CECR2: variants seen among roughly 807,000 people sequenced by gnomAD.
The protein encoded by CECR2 is chromatin remodeling regulator CECR2.
CECR2 carries 30 observed loss-of-function variants against 154.5 expected under a neutral mutation model. That is an observed-to-expected ratio of 0.19 (90% CI 0.15 to 0.26). CECR2 has a LOEUF of 0.26. CECR2 is among the 10% of genes least tolerant of loss of function. The probability of loss-of-function intolerance (pLI) is 1.00; values close to 1 mark genes in which losing one functional copy is unlikely to be tolerated. For missense variants in CECR2, 1,743 were observed against 1,829.3 expected (o/e 0.95, Z 0.86); for synonymous variants, 725 against 683.7 (o/e 1.06, Z -0.94).
At chr22:17,411,891 A>G (rs1466161111) in intron 1 of CECR2, among the ~76,000 whole-genome samples, 4 of 152,130 alleles carry the variant, frequency 2.6e-5, no homozygotes, top group Non-Finnish European at 5.9e-5. Flanking sequence ...AATGTTTTTC[A>G]TGTTAATATG....
intron 1 of CECR2, among the ~76,000 whole-genome samples, chr22:17,451,654 T>C (rs376553164): frequency 7.9e-5 from 12 of 152,162 alleles, no homozygotes; most frequent in African/African-American, 2.7e-4. Flanking sequence ...GCCTGGAAAG[T>C]TCTTTCCAGT....
intron 13 of CECR2, 30 bp downstream of exon 13, chr22:17,539,149 C>T: frequency 6.2e-7 from 1 of 1,607,382 alleles, no homozygotes; most frequent in Non-Finnish European, 8.5e-7. Context: ...GTGCTAGATA[C>T]ATATCTGTAA....
intron 1 of CECR2, among the ~76,000 whole-genome samples, chr22:17,423,506 C>CAAAAA (rs77498895): frequency 7.0e-6 from 1 of 143,660 alleles, no homozygotes. Flanking sequence ...GACTCTGTCT[C>CAAAAA]AAAAAAAAAA....
intron 7 of CECR2, among the ~76,000 whole-genome samples, chr22:17,510,591 T>G (rs2055927389): frequency 6.6e-6 from 1 of 152,120 alleles, no homozygotes; most frequent in South Asian, 2.1e-4. Context: ...TAGGCACTAG[T>G]CATTCTCTTT....
intron 1 of CECR2, among the ~76,000 whole-genome samples, chr22:17,446,091 GT>G (rs1452664421): frequency 6.6e-6 from 1 of 152,056 alleles, no homozygotes; most frequent in Non-Finnish European, 1.5e-5. Context: ...CTAGGAGCTT[GT>G]TTACAGATAC....
At chr22:17,408,762 G>T (rs1352884172) in intron 1 of CECR2, among the ~76,000 whole-genome samples, 1 of 152,172 alleles carries the variant, frequency 6.6e-6, no homozygotes, top group Non-Finnish European at 1.5e-5. Flanking sequence ...CACCTACCTT[G>T]TATTACCTTG....
At chr22:17,522,211 C>A (rs2056171015) in intron 8 of CECR2, among the ~76,000 whole-genome samples, 1 of 152,136 alleles carries the variant, frequency 6.6e-6, no homozygotes, top group Non-Finnish European at 1.5e-5. Flanking sequence ...TCAACTGATA[C>A]CTTATGGTGT....
chr22:17,529,798 C>T (rs1239458784), intron 9 of CECR2, among the ~76,000 whole-genome samples: 6 of 152,036 alleles, frequency 3.9e-5, no homozygotes, highest in Non-Finnish European at 7.3e-5. Flanking sequence ...GACAAAGTCT[C>T]GCTCTGCCTC....
intron 7 of CECR2, among the ~76,000 whole-genome samples, chr22:17,506,746 T>C (rs1037095877): frequency 1.2e-4 from 18 of 152,232 alleles, no homozygotes; most frequent in Middle Eastern, 3.4e-3. Context: ...CTCCACCTCC[T>C]GGGTTCAAGC....
chr22:17,476,688 G>A (rs1200567897), intron 1 of CECR2, among the ~76,000 whole-genome samples: 1 of 152,162 alleles, frequency 6.6e-6, no homozygotes, highest in Non-Finnish European at 1.5e-5. Flanking sequence ...ATCTGGTTAT[G>A]AGCAAGTCAA....
chr22:17,457,812 C>A (rs750988158), intron 1 of CECR2, among the ~76,000 whole-genome samples: 2 of 152,172 alleles, frequency 1.3e-5, no homozygotes, highest in African/African-American at 4.8e-5. Context: ...ATAGACTACT[C>A]CTCAGCAATA....
intron 2 of CECR2, among the ~76,000 whole-genome samples, chr22:17,482,113 T>C (rs1349505138): frequency 2.1e-4 from 8 of 37,990 alleles, no homozygotes; most frequent in Admixed American, 3.6e-4. Flanking sequence ...AGACTCTGTC[T>C]CCAAAAAAAA....
At chr22:17,412,728 T>A (rs894843581) in intron 1 of CECR2, among the ~76,000 whole-genome samples, 7 of 152,108 alleles carry the variant, frequency 4.6e-5, no homozygotes, top group Admixed American at 4.6e-4. Context: ...TTCTTGAGTC[T>A]CCATCCGCCT....
Position 17,477,584 on chromosome 22 carries a change from T to G in CECR2, c.127-4T>G. 1 of 1,602,850 alleles carries G rather than the reference T, an allele frequency of 6.2e-7. No homozygotes were observed. Among genetic ancestry groups the G allele is most frequent in the Non-Finnish European group, 8.5e-7 (1 of 1,170,212 alleles). On this transcript the variant is annotated splice_region_variant and splice_polypyrimidine_tract_variant and intron_variant, in intron 1 of 18. Coordinates refer to ENST00000262608, the MANE Select transcript of CECR2 (RefSeq NM_001290047.2). ...TTCTCAACTTCCCTCTCTCCCTCCC[T>G]CAGGAGTTAGAAGCCGCTCTTCACA...
rs1569132988 is a variant in CECR2, at chr22:17,511,893, A to G, written c.951A>G (p.Gln317=). ...ACCTGTCCATCAAACCCGTCAAGCA[A>G]GAGGTGAGTGTGGGTGAGAGTAGCG... ...SDHLSIKPVK[Q]EETPVLTRIE... is the part of the protein sequence containing the mutation. The change falls in exon 8 of 19, where the codon CAA becomes CAG. Residue 317 remains glutamine, a synonymous_variant. Transcript: ENST00000262608. 2.5e-6 allele frequency: 4 copies of G among 1,611,306 alleles called. No homozygotes were observed. Among genetic ancestry groups the G allele is most frequent in the Non-Finnish European group, 3.4e-6 (4 of 1,178,312 alleles).
intron 1 of CECR2, among the ~76,000 whole-genome samples, chr22:17,362,403 C>T (rs974586911): frequency 2.0e-4 from 30 of 152,076 alleles, no homozygotes; most frequent in Non-Finnish European, 5.9e-5. Flanking sequence ...TACTATAGAC[C>T]AGCACTGCCC....
chr22:17,404,976 T>TG (rs1237014810), intron 1 of CECR2, among the ~76,000 whole-genome samples: 2 of 152,216 alleles, frequency 1.3e-5, no homozygotes, highest in Non-Finnish European at 2.9e-5. Flanking sequence ...CCCATGATGA[T>TG]GGTACCTCTC....
chr22:17,511,860 G>A lies in CECR2; in HGVS notation c.918G>A (p.Met306Ile). 6.2e-7 allele frequency: 1 copy of A among 1,611,794 alleles called. No homozygotes were observed. Among genetic ancestry groups the A allele is most frequent in the Non-Finnish European group, 8.5e-7 (1 of 1,178,534 alleles). Residue 306 changes from methionine (M) to isoleucine (I), a missense_variant, in exon 8 of 19, where the codon ATG becomes ATA. Met to Ile is a conservative substitution (Grantham distance 10, BLOSUM62 1). Coordinates refer to ENST00000262608, the MANE Select transcript of CECR2 (RefSeq NM_001290047.2). ...AGGCAGAGTTGCATCCTAGGTGGATGTCTGACCACCTGTCCATCAAACCCG... is the reference window on the plus strand; with the variant it reads ...AGGCAGAGTTGCATCCTAGGTGGATATCTGACCACCTGTCCATCAAACCCG... ...RTKAELHPRWMSDHLSIKPVK... is the reference protein window; with the variant it reads ...RTKAELHPRWISDHLSIKPVK...
At chr22:17,500,766 A>T (rs886923404) in intron 5 of CECR2, 31 bp downstream of exon 5, 2 of 1,429,422 alleles carry the variant, frequency 1.4e-6, no homozygotes, top group South Asian at 2.6e-5. Context: ...GTGGTCATAG[A>T]CCATGGCAGA....
Sources: allele counts gnomAD v4.1 joint callset (sites outside exome capture counted in the v4.1 genomes callset), GRCh38; gene constraint gnomAD v4.1.1; transcripts MANE v1.5; gene names NCBI Gene and HGNC (gene_info 2026-07-23, HGNC 2026-07-21).